Variants in FBXL7 observed in about 807,000 individuals in gnomAD.
FBXL7 encodes the protein F-box/LRR-repeat protein 7.
Under a neutral mutation model 38.3 loss-of-function variants are expected in FBXL7, and 12 were observed. The ratio of observed to expected loss-of-function variants is 0.31; its 90% CI spans 0.20 to 0.51. The LOEUF is 0.51. FBXL7 is among the 20% of genes least tolerant of loss of function. The pLI is 0.98. For synonymous variants in FBXL7, 297 were observed against 300.9 expected (o/e 0.99, Z 0.13); for missense variants, 567 against 676.4 (o/e 0.84, Z 1.79).
At chr5:15,712,198 T>C (rs1743897395) in intron 2 of FBXL7, among the ~76,000 whole-genome samples, 1 of 152,246 alleles carries the variant, frequency 6.6e-6, no homozygotes, top group South Asian at 2.1e-4. Flanking sequence ...AACATTGTGA[T>C]AATGCACTTT....
At chr5:15,673,210 C>G (rs1487023502) in intron 2 of FBXL7, among the ~76,000 whole-genome samples, 1 of 151,658 alleles carries the variant, frequency 6.6e-6, no homozygotes, top group Non-Finnish European at 1.5e-5. Context: ...CAGCTACTCG[C>G]GAGGCTGAGG....
At chr5:15,506,853 A>C (rs1736662176) in intron 1 of FBXL7, among the ~76,000 whole-genome samples, 1 of 151,636 alleles carries the variant, frequency 6.6e-6, no homozygotes. Context: ...TCAGCATATG[A>C]ATTTTGGGAG....
At chr5:15,706,128 G>A (rs1382937615) in intron 2 of FBXL7, among the ~76,000 whole-genome samples, 1 of 152,150 alleles carries the variant, frequency 6.6e-6, no homozygotes, top group African/African-American at 2.4e-5. Flanking sequence ...GATACAGTTT[G>A]TATATTTGTC....
At chr5:15,653,971 A>C (rs1223084270) in intron 2 of FBXL7, among the ~76,000 whole-genome samples, 1 of 152,238 alleles carries the variant, frequency 6.6e-6, no homozygotes, top group East Asian at 1.9e-4. Flanking sequence ...GAAAACATTA[A>C]AGACTTTGAC....
intron 1 of FBXL7, among the ~76,000 whole-genome samples, chr5:15,565,669 C>T (rs996153237): frequency 2.0e-5 from 3 of 151,880 alleles, no homozygotes; most frequent in Non-Finnish European, 2.9e-5. Context: ...GCCTGAAACC[C>T]GGGAGAGCTG....
chr5:15,890,215 C>T (rs1442826141), intron 2 of FBXL7, among the ~76,000 whole-genome samples: 1 of 152,034 alleles, frequency 6.6e-6, no homozygotes. Context: ...ACCTGAGCTC[C>T]ACCACCTGTC....
intron 2 of FBXL7, among the ~76,000 whole-genome samples, chr5:15,734,114 C>CAA (rs370211850): frequency 2.1e-4 from 30 of 139,574 alleles, no homozygotes; most frequent in Admixed American, 4.2e-4. Context: ...GACTGGGTCT[C>CAA]AAAAAAAAAA....
intron 1 of FBXL7, among the ~76,000 whole-genome samples, chr5:15,559,743 A>G (rs1353594342): frequency 6.6e-6 from 1 of 152,234 alleles, no homozygotes; most frequent in African/African-American, 2.4e-5. Flanking sequence ...GATTTGTAGC[A>G]TGTGTGTAAT....
At chr5:15,506,318 A>G (rs1736649899) in intron 1 of FBXL7, among the ~76,000 whole-genome samples, 1 of 152,094 alleles carries the variant, frequency 6.6e-6, no homozygotes, top group African/African-American at 2.4e-5. Context: ...CAGGGCAGGA[A>G]GTGTCTACAG....
intron 2 of FBXL7, among the ~76,000 whole-genome samples, chr5:15,789,510 G>A (rs1166413549): frequency 6.6e-6 from 1 of 152,188 alleles, no homozygotes; most frequent in East Asian, 1.9e-4. Flanking sequence ...ACACAGGGCA[G>A]CGTTCAAGGC....
intron 1 of FBXL7, among the ~76,000 whole-genome samples, chr5:15,590,368 C>T (rs116510530): frequency 5.5e-4 from 83 of 152,186 alleles, no homozygotes; most frequent in African/African-American, 2.0e-3. Flanking sequence ...CCAGTCCCTT[C>T]TCTAAGCTTG....
At chr5:15,871,802 A>T (rs1739977492) in intron 2 of FBXL7, among the ~76,000 whole-genome samples, 1 of 152,182 alleles carries the variant, frequency 6.6e-6, no homozygotes. Context: ...TGAAAAAACC[A>T]ACGTTTGATT....
In FBXL7 at chr5:15,914,192, C is replaced by T. The variant is rs547257823; in HGVS notation, c.128-13698C>T. On this transcript the variant is annotated intron_variant, in intron 2 of 3. Coordinates refer to ENST00000504595, the MANE Select transcript of FBXL7 (RefSeq NM_012304.5). Reference sequence around the variant, plus strand: ...TCGAGGTCAGGTGATCGAGACCATCCTGGCTAACATGATAAAACCCTGTCT... The same window carrying T: ...TCGAGGTCAGGTGATCGAGACCATCTTGGCTAACATGATAAAACCCTGTCT... Among the ~76,000 whole-genome samples, 5 of 152,128 alleles carry T rather than the reference C, an allele frequency of 3.3e-5. No homozygotes were observed. The South Asian group carries it at 1.0e-3, about 32-fold the overall frequency.
intron 2 of FBXL7, among the ~76,000 whole-genome samples, chr5:15,642,566 A>G (rs2126558300): frequency 6.6e-6 from 1 of 152,328 alleles, no homozygotes; most frequent in Non-Finnish European, 1.5e-5. Flanking sequence ...CCCAAACCCC[A>G]CATGATGTGA....
At chr5:15,835,575 G>C (rs185262840) in intron 2 of FBXL7, among the ~76,000 whole-genome samples, 38 of 152,226 alleles carry the variant, frequency 2.5e-4, no homozygotes, top group Non-Finnish European at 4.6e-4. Context: ...TATCCTGGAA[G>C]AGTGGATATT....
intron 2 of FBXL7, among the ~76,000 whole-genome samples, chr5:15,634,726 A>T (rs1156774178): frequency 6.6e-6 from 1 of 152,202 alleles, no homozygotes; most frequent in Non-Finnish European, 1.5e-5. Flanking sequence ...GTCTGAAGCG[A>T]GTCTTAGAGG....
chr5:15,714,466 A>G (rs545654354), intron 2 of FBXL7, among the ~76,000 whole-genome samples: 3 of 151,624 alleles, frequency 2.0e-5, no homozygotes, highest in Non-Finnish European at 2.9e-5. Flanking sequence ...TTATAGCACT[A>G]TGAGAACAGA....
At chr5:15,560,365 T>G (rs1382056207) in intron 1 of FBXL7, among the ~76,000 whole-genome samples, 1 of 152,142 alleles carries the variant, frequency 6.6e-6, no homozygotes. Flanking sequence ...GAGCCATAAG[T>G]TAAAAAATAC....
intron 2 of FBXL7, among the ~76,000 whole-genome samples, chr5:15,712,344 A>G (rs921287411): frequency 1.2e-4 from 9 of 74,768 alleles, no homozygotes; most frequent in Non-Finnish European, 2.3e-4. Context: ...CTGACAATTT[A>G]AAATAGTGAA....
Sources: allele counts gnomAD v4.1 joint callset (sites outside exome capture counted in the v4.1 genomes callset), GRCh38; gene constraint gnomAD v4.1.1; transcripts MANE v1.5; gene names NCBI Gene and HGNC (gene_info 2026-07-23, HGNC 2026-07-21).